The following DLC1 variants were observed in gnomAD, a reference collection of about 807,000 sequenced individuals.
DLC1 encodes the protein rho GTPase-activating protein 7.
Under a neutral mutation model 140.3 loss-of-function variants are expected in DLC1, and 54 were observed. That is an observed-to-expected ratio of 0.38 (90% CI 0.31 to 0.48). The LOEUF is 0.48. Ranked by LOEUF, DLC1 falls within the 20% of genes least tolerant of loss-of-function variation. The pLI is 0.96. For missense variants in DLC1, 2,536 were observed against 1,907.0 expected (o/e 1.33, Z -6.14); for synonymous variants, 986 against 728.1 (o/e 1.35, Z -5.70).
At chr8:13,360,643 C>T (rs953921746) in intron 4 of DLC1, among the ~76,000 whole-genome samples, 3 of 151,948 alleles carry the variant, frequency 2.0e-5, no homozygotes, top group Non-Finnish European at 4.4e-5. Flanking sequence ...GAAAGACTTA[C>T]TCTGTGTTTT....
intron 1 of DLC1, among the ~76,000 whole-genome samples, chr8:13,583,022 T>G (rs961578121): frequency 6.6e-6 from 1 of 151,564 alleles, no homozygotes; most frequent in African/African-American, 2.4e-5. Context: ...AGTTGTAATC[T>G]TTTTGCCGGT....
intron 5 of DLC1, among the ~76,000 whole-genome samples, chr8:13,120,424 A>G (rs916215777): frequency 2.0e-5 from 3 of 148,926 alleles, no homozygotes; most frequent in Non-Finnish European, 3.0e-5. Flanking sequence ...CAATGAACAA[A>G]ATCTAAAATA....
chr8:13,160,999 C>G (rs75571229), intron 5 of DLC1, among the ~76,000 whole-genome samples: 1 of 152,050 alleles, frequency 6.6e-6, no homozygotes, highest in Non-Finnish European at 1.5e-5. Context: ...GAGAATGGCA[C>G]GAACCCGGGA....
At chr8:13,552,075 TTCTC>T (rs1257801294) in intron 1 of DLC1, among the ~76,000 whole-genome samples, 3 of 119,374 alleles carry the variant, frequency 2.5e-5, no homozygotes, top group Non-Finnish European at 3.4e-5. Flanking sequence ...ATATACCTCT[TTCTC>T]TCTATATATA....
chr8:13,586,055 A>G lies in DLC1; in HGVS notation c.-126+18482T>C, dbSNP rs78033510. Among the ~76,000 whole-genome samples the G allele has an allele frequency of 9.9e-5, 15 of 152,180 alleles. No individual in the cohort carries two copies. In the East Asian group the frequency reaches 2.7e-3, roughly 27 times the overall value. The stretch of plus-strand genomic sequence containing the variant: ...TGATTCTCAACCATGGCTGCACATT[A>G]TAATTATCTTGGAAGTTTGAAAATA... On this transcript the variant is annotated intron_variant, in intron 1 of 1. Coordinates refer to the DLC1 transcript ENST00000631382.
chr8:13,526,606 G>T (rs980342698), intron 1 of DLC1, among the ~76,000 whole-genome samples: 1 of 152,162 alleles, frequency 6.6e-6, no homozygotes, highest in Non-Finnish European at 1.5e-5. Flanking sequence ...AAAAGGATGA[G>T]TTCATGTCCT....
chr8:13,463,827 C>T (rs550111643), intron 2 of DLC1, among the ~76,000 whole-genome samples: 2 of 152,020 alleles, frequency 1.3e-5, no homozygotes, highest in African/African-American at 4.8e-5. Context: ...GGAAAGAGGA[C>T]CATCTGGGGA....
chr8:13,234,496 C>T (rs1420091416), intron 5 of DLC1, among the ~76,000 whole-genome samples: 1 of 152,060 alleles, frequency 6.6e-6, no homozygotes. Context: ...GGCTATGTAG[C>T]TAATTTAAGA....
chr8:13,401,658 C>G, intron 2 of DLC1, 39 bp from the exon 3 acceptor site: 1 of 1,590,060 alleles, frequency 6.3e-7, no homozygotes, highest in South Asian at 1.1e-5. Context: ...TCTGAAAGGC[C>G]ATTTCTTAAT....
rs568344953 is a variant in DLC1, at chr8:13,326,474, G to C, written c.1315-21172C>G. Among the ~76,000 whole-genome samples, 41 of 152,214 alleles carry C rather than the reference G, an allele frequency of 2.7e-4. 1 individual carries two copies. The South Asian group carries it at 7.5e-3, about 28-fold the overall frequency. ...GACATATAATTGTGCATATAGTCTT[G>C]CCACTCATAACCCAAAAGCTGCCTA... On this transcript the variant is annotated intron_variant, in intron 4 of 17. Coordinates refer to ENST00000276297, the MANE Select transcript of DLC1 (RefSeq NM_182643.3).
chr8:13,170,978 G>A (rs910018794), intron 5 of DLC1, among the ~76,000 whole-genome samples: 2 of 152,136 alleles, frequency 1.3e-5, no homozygotes, highest in African/African-American at 4.8e-5. Context: ...GGTCACCAAA[G>A]CTCTGTGATT....
At chr8:13,158,167 C>G (rs1381659471) in intron 5 of DLC1, among the ~76,000 whole-genome samples, 1 of 152,160 alleles carries the variant, frequency 6.6e-6, no homozygotes, top group Non-Finnish European at 1.5e-5. Flanking sequence ...ATGTTTTTAA[C>G]CATAGTGTAT....
chr8:13,462,311 A>G (rs1799702793), intron 2 of DLC1, among the ~76,000 whole-genome samples: 1 of 151,236 alleles, frequency 6.6e-6, no homozygotes, highest in South Asian at 2.1e-4. Context: ...ATGTCTGAAA[A>G]CCCCTAAATC....
At chr8:13,369,079 T>C (rs1671413) in intron 4 of DLC1, among the ~76,000 whole-genome samples, 110,959 of 151,984 alleles carry the variant, frequency 0.73, 40,957 homozygotes, top group East Asian at 0.85. Flanking sequence ...GCCTCAGCCT[T>C]TGATGATGTT....
intron 2 of DLC1, 181 bp downstream of exon 2, chr8:13,498,868 A>C (rs1419206093): frequency 1.8e-5 from 11 of 622,376 alleles, no homozygotes; most frequent in Non-Finnish European, 2.9e-5. Flanking sequence ...ATAGATTATT[A>C]TTCTTTAATT....
chr8:13,330,218 C>G (rs763022843), intron 4 of DLC1, among the ~76,000 whole-genome samples: 2 of 152,250 alleles, frequency 1.3e-5, no homozygotes, highest in South Asian at 4.1e-4. Flanking sequence ...TCCCAAAATG[C>G]TGGGATTGCA....
intron 3 of DLC1, among the ~76,000 whole-genome samples, chr8:13,397,650 G>C (rs1039452568): frequency 6.7e-6 from 1 of 148,584 alleles, no homozygotes. Flanking sequence ...GCAATGTAGA[G>C]AAACCCCATC....
chr8:13,492,261 C>T, intron 2 of DLC1, among the ~76,000 whole-genome samples: 1 of 152,008 alleles, frequency 6.6e-6, no homozygotes, highest in East Asian at 1.9e-4. Flanking sequence ...TAAAAAATAG[C>T]AATGATTTAG....
Position 13,099,461 on chromosome 8 carries a change from G to C in DLC1, c.2876C>G (p.Thr959Ser), listed in dbSNP as rs148423187. 2.8e-5 allele frequency: 45 copies of C among 1,614,020 alleles called. No homozygotes were observed. The highest frequency in any genetic ancestry group is 2.2e-5 in the East Asian group (1 of 44,884). Residue 959 changes from threonine (T) to serine (S), a missense_variant, in exon 9 of 18, where the codon ACC (threonine) becomes AGC (serine). Physicochemically the swap from Thr to Ser is moderately conservative, Grantham distance 58 (BLOSUM62 1). Coordinates refer to ENST00000276297, the MANE Select transcript of DLC1 (RefSeq NM_182643.3). The stretch of plus-strand genomic sequence containing the variant: ...TGTGCTGTCCAGGTCGCTGGGTGTG[G>C]TTCGGTCGTTGTCCACATCCAGGTG... Reference protein sequence around the residue: ...QIHLDVDNDRTTPSDLDSTGN... With the variant: ...QIHLDVDNDRSTPSDLDSTGN...
Sources: allele counts gnomAD v4.1 joint callset (sites outside exome capture counted in the v4.1 genomes callset), GRCh38; gene constraint gnomAD v4.1.1; transcripts MANE v1.5; gene names NCBI Gene and HGNC (gene_info 2026-07-23, HGNC 2026-07-21).